BOC: variants seen among roughly 807,000 people sequenced by gnomAD.
The protein encoded by BOC is brother of CDO.
A neutral mutation model predicts 112.0 loss-of-function variants in BOC; 76 were observed. That is an observed-to-expected ratio of 0.68 (90% CI 0.56 to 0.82). BOC has a LOEUF of 0.82. Ranked by LOEUF, BOC falls within the 40% of genes least tolerant of loss-of-function variation. BOC has a pLI of 0.00. For synonymous variants in BOC, 580 were observed against 599.8 expected, an observed-to-expected ratio of 0.97 and a Z score of 0.48; for missense variants, 1,309 against 1,511.7, an observed-to-expected ratio of 0.87 and a Z score of 2.22.
rs376112481 is a variant in BOC, at chr3:113,273,232, C to T, written c.1125C>T (p.Ala375=). ...SSQRLRLSRR[A]LRVLSMGPED... ...AGCGCCTCCGGCTCTCCCGCAGGGC[C>T]CTGCGCGTGCTCAGCATGGGGCCTG... The change falls in exon 8 of 20, where the codon GCC becomes GCT. Residue 375 remains alanine (A), a synonymous_variant. Coordinates refer to ENST00000682979, the MANE Select transcript of BOC (RefSeq NM_001378074.1). 40 of 1,613,522 alleles carry T rather than the reference C, an allele frequency of 2.5e-5. No homozygotes were observed. The South Asian group carries it at 3.8e-4, about 16-fold the overall frequency.
intron 2 of BOC, among the ~76,000 whole-genome samples, chr3:113,248,349 A>T (rs1945191257): frequency 6.6e-6 from 1 of 152,216 alleles, no homozygotes; most frequent in East Asian, 1.9e-4. Flanking sequence ...CCAGCACAAC[A>T]CATCTCTCAG....
At chr3:113,223,837 C>T (rs1255720879) in intron 2 of BOC, among the ~76,000 whole-genome samples, 1 of 152,240 alleles carries the variant, frequency 6.6e-6, no homozygotes, top group Non-Finnish European at 1.5e-5. Context: ...CAAAGTTGTG[C>T]GCTGAGACCC....
intron 2 of BOC, 142 bp downstream of exon 2, chr3:113,216,416 T>C (rs1280963394): frequency 1.3e-5 from 5 of 388,666 alleles, no homozygotes; most frequent in East Asian, 7.2e-5. Flanking sequence ...TGGACTAAAC[T>C]TCAGGTTAGT....
chr3:113,228,368 C>T (rs1488961615), intron 2 of BOC, among the ~76,000 whole-genome samples: 4 of 151,970 alleles, frequency 2.6e-5, no homozygotes, highest in Non-Finnish European at 4.4e-5. Flanking sequence ...TACAGGGCTC[C>T]TGATTTTGCT....
At chr3:113,214,484 TG>T (rs1407714024) in intron 1 of BOC, among the ~76,000 whole-genome samples, 1 of 152,186 alleles carries the variant, frequency 6.6e-6, no homozygotes, top group Admixed American at 6.5e-5. Flanking sequence ...GCCACTGATG[TG>T]GGTAATGAAT....
intron 4 of BOC, among the ~76,000 whole-genome samples, chr3:113,257,135 G>C (rs962577156): frequency 2.1e-4 from 32 of 152,216 alleles, no homozygotes; most frequent in African/African-American, 7.5e-4. Flanking sequence ...TCTCTTTGGA[G>C]ACAATGTGAA....
At position 113,250,652 on chromosome 3, in the gene BOC, T is replaced by C. The variant is rs1251861009; in HGVS notation, c.195T>C (p.Asn65=). Residue 65 remains asparagine, a synonymous_variant, in exon 4 of 20, where the codon AAT becomes AAC. Transcript: ENST00000682979. ...GCGTGGTGGAACCTCCAAGGATGAATGTAACCTGGCGCCTGAATGGAAAGG... is the reference window on the plus strand; with the variant it reads ...GCGTGGTGGAACCTCCAAGGATGAACGTAACCTGGCGCCTGAATGGAAAGG... ...LGCVVEPPRM[N]VTWRLNGKEL... 1 of 1,614,054 alleles carries C rather than the reference T, an allele frequency of 6.2e-7. No homozygotes were observed. Among genetic ancestry groups the C allele is most frequent in the Non-Finnish European group, 8.5e-7 (1 of 1,180,038 alleles).
At position 113,286,905 on chromosome 3, in the gene BOC, T is replaced by A. The variant is rs781512164; in HGVS notation, c.*43T>A. ...AGAAAGACTATATATTGTTTTTTTT[T>A]TAAAAAAAAAAAGAAGAAAAAAGAG... On this transcript the variant is annotated 3_prime_UTR_variant, in exon 20 of 20. Coordinates refer to ENST00000682979, the MANE Select transcript of BOC (RefSeq NM_001378074.1). 327 of 1,466,678 alleles carry A rather than the reference T, an allele frequency of 2.2e-4. 2 individuals carry two copies. The highest frequency in any genetic ancestry group is 1.3e-3 in the Middle Eastern group (6 of 4,770). 90.9% of individuals were successfully genotyped at this position (1,466,678 alleles called of 1,614,324 possible).
intron 2 of BOC, among the ~76,000 whole-genome samples, chr3:113,244,595 T>TCACATTAGC (rs1261061571): frequency 6.6e-6 from 1 of 152,220 alleles, no homozygotes; most frequent in Non-Finnish European, 1.5e-5. Context: ...AGTGTCTTAG[T>TCACATTAGC]CACATTAGCC....
rs376983861 is a variant in BOC at position 113,278,397 on chromosome 3, T to C, written c.1705+140T>C. On this transcript the variant is annotated intron_variant, in intron 10 of 19. Transcript: ENST00000682979. This position sits in a 1 kb window ranked among gnomAD's most constrained non-coding sequence, Gnocchi z 4.2. Reference sequence around the variant, plus strand: ...TTTCCTTCCAGCTACTGCCTCCTTGTGGTTTGTGTGCTAGGCTGAGGTCCC... The same window carrying C: ...TTTCCTTCCAGCTACTGCCTCCTTGCGGTTTGTGTGCTAGGCTGAGGTCCC... 4.8e-4 allele frequency: 515 copies of C among 1,068,902 alleles called. 2 individuals carry two copies. In the South Asian group the frequency reaches 6.7e-3, roughly 14 times the overall value. 66.2% of individuals were successfully genotyped at this position (1,068,902 alleles called of 1,614,324 possible). A position where few individuals can be genotyped will look rare whatever the true frequency, so the allele number is the denominator to read the frequency against.
rs1282231646 is a variant in BOC at position 113,268,419 on chromosome 3, A to C, written c.497A>C (p.Lys166Thr). Residue 166 changes from lysine to threonine, a missense_variant, in exon 5 of 20, where the codon AAA becomes ACA. By Grantham distance (78) the Lys-to-Thr change is moderately conservative. Coordinates refer to ENST00000682979, the MANE Select transcript of BOC (RefSeq NM_001378074.1). ...HPKAQVRYSV[K>T]QEWLEASRGN... is the part of the protein sequence containing the mutation. ...AAAGCCCAGGTCCGGTACAGCGTCA[A>C]ACAAGAGTGGCTGGAGGCCTCCAGA... 6.2e-7 allele frequency: 1 copy of C among 1,614,146 alleles called. No homozygotes were observed. The highest frequency in any genetic ancestry group is 8.5e-7 in the Non-Finnish European group (1 of 1,180,004).
chr3:113,250,004 C>T, intron 3 of BOC, 105 bp downstream of exon 3: 1 of 932,098 alleles, frequency 1.1e-6, no homozygotes, highest in East Asian at 2.6e-5. Flanking sequence ...TTTCAAAGAA[C>T]ACTTTATTCC....
chr3:113,262,139 G>A (rs1365593910), intron 4 of BOC, among the ~76,000 whole-genome samples: 1 of 152,140 alleles, frequency 6.6e-6, no homozygotes, highest in Non-Finnish European at 1.5e-5. Flanking sequence ...CAATTGGACA[G>A]GCAGAAAAAA....
chr3:113,233,392 A>T (rs1262567421), intron 2 of BOC, among the ~76,000 whole-genome samples: 1 of 152,106 alleles, frequency 6.6e-6, no homozygotes, highest in Non-Finnish European at 1.5e-5. Flanking sequence ...ATAGAGAATG[A>T]CTGCAAGTGA....
intron 2 of BOC, among the ~76,000 whole-genome samples, chr3:113,230,237 T>C (rs949846744): frequency 5.3e-5 from 8 of 152,200 alleles, no homozygotes; most frequent in African/African-American, 1.9e-4. Context: ...CAGGACCGAC[T>C]GTAGGTGTGG....
intron 4 of BOC, among the ~76,000 whole-genome samples, chr3:113,266,398 T>C (rs548428195): frequency 2.0e-5 from 3 of 152,348 alleles, no homozygotes; most frequent in Admixed American, 2.0e-4. Flanking sequence ...TAGACCCATT[T>C]CACTTCTTTC....
chr3:113,273,949 C>T (rs1392640152), intron 8 of BOC, among the ~76,000 whole-genome samples: 3 of 152,144 alleles, frequency 2.0e-5, no homozygotes, highest in African/African-American at 7.2e-5. Flanking sequence ...CAGTTGCGTT[C>T]ATATCTCATA....
At chr3:113,254,619 G>A (rs1470733961) in intron 4 of BOC, among the ~76,000 whole-genome samples, 3 of 152,242 alleles carry the variant, frequency 2.0e-5, no homozygotes, top group Non-Finnish European at 4.4e-5. Flanking sequence ...CTGGGCAGCG[G>A]CGTGCCGGTG....
In BOC at chr3:113,272,666, C is replaced by T. The variant is rs141964605; in HGVS notation, c.924C>T (p.Pro308=). ...TGGCCGACAATGGGGTTGGGCAGCC[C>T]GGGGCAGCGGTCATCCTCTACAATG... ...RCMADNGVGQ[P]GAAVILYNVQ... Residue 308 remains proline (P), a synonymous_variant, in exon 7 of 20, where the codon CCC becomes CCT. Coordinates refer to ENST00000682979, the MANE Select transcript of BOC (RefSeq NM_001378074.1). 8.2e-5 allele frequency: 132 copies of T among 1,613,726 alleles called. No homozygotes were observed. The highest frequency in any genetic ancestry group is 1.9e-4 in the African/African-American group (14 of 74,872).
Sources: gnomAD v4.1 joint callset for allele counts (sites outside exome capture counted in the v4.1 genomes callset) on GRCh38, gnomAD v4.1.1 for gene constraint, Gnocchi (gnomAD v3.1) non-coding constraint, MANE v1.5 for transcripts, NCBI Gene and HGNC (gene_info 2026-07-23, HGNC 2026-07-21) for gene names.